PLEKHG1: variants seen among roughly 807,000 people sequenced by gnomAD.
PLEKHG1 encodes the protein pleckstrin homology and RhoGEF domain containing G1.
A neutral mutation model predicts 100.8 loss-of-function variants in PLEKHG1; 44 were observed. The ratio of observed to expected loss-of-function variants is 0.44; its 90% CI spans 0.34 to 0.56. The LOEUF is 0.56. Ranked by LOEUF, PLEKHG1 falls within the 20% of genes least tolerant of loss-of-function variation. The probability of loss-of-function intolerance (pLI) is 0.01; values close to 1 mark genes in which losing one functional copy is unlikely to be tolerated. For synonymous variants in PLEKHG1, 640 were observed against 662.5 expected (o/e 0.97, Z 0.52); for missense variants, 1,545 against 1,720.9 (o/e 0.90, Z 1.81).
At chr6:150,734,164 G>A (rs372149943) in intron 2 of PLEKHG1, 72 bp downstream of exon 3, 9 of 1,454,504 alleles carry the variant, frequency 6.2e-6, no homozygotes. Context: ...ACAAAGCCAA[G>A]CCAGGTGTAG....
At chr6:150,739,619 G>A (rs2128621349) in intron 2 of PLEKHG1, among the ~76,000 whole-genome samples, 1 of 151,770 alleles carries the variant, frequency 6.6e-6, no homozygotes, top group Middle Eastern at 3.4e-3. Context: ...AGTGAGCCGA[G>A]ATCGTGCCAT....
chr6:150,612,886 C>A (rs923832078), intron 1 of PLEKHG1, among the ~76,000 whole-genome samples: 1 of 152,190 alleles, frequency 6.6e-6, no homozygotes, highest in African/African-American at 2.4e-5. Context: ...GCAGTAGGCT[C>A]CTAACTGGTC....
chr6:150,735,737 T>C (rs143570718), intron 2 of PLEKHG1, among the ~76,000 whole-genome samples: 4 of 152,298 alleles, frequency 2.6e-5, no homozygotes, highest in African/African-American at 7.2e-5. Flanking sequence ...AAAGCTTTCT[T>C]TGGGCTATGC....
chr6:150,608,750 G>A (rs980471115), intron 1 of PLEKHG1, among the ~76,000 whole-genome samples: 3 of 152,178 alleles, frequency 2.0e-5, no homozygotes, highest in African/African-American at 7.2e-5. Flanking sequence ...GAAAAGATAA[G>A]TTTGTTTTTC....
At chr6:150,744,880 C>T (rs113697628) in intron 2 of PLEKHG1, among the ~76,000 whole-genome samples, 7 of 152,238 alleles carry the variant, frequency 4.6e-5, no homozygotes, top group South Asian at 2.1e-4. Flanking sequence ...CATTCTTCCC[C>T]GGTTGCAAGA....
rs569815433 is a variant in PLEKHG1, at chr6:150,700,910, C to T, written c.-98-32674C>T. Among the ~76,000 whole-genome samples, 12 of 150,858 alleles carry T rather than the reference C, an allele frequency of 8.0e-5. 1 individual carries two copies. The highest frequency in any genetic ancestry group is 5.9e-5 in the Non-Finnish European group (4 of 68,028). On this transcript the variant is annotated intron_variant, in intron 3 of 3. Transcript: ENST00000367326. ...TACTTCCCTCTCTCTCTAAACAATT[C>T]GGAAACTTTGAGGATGGGGGTTATA...
intron 3 of PLEKHG1, among the ~76,000 whole-genome samples, chr6:150,714,302 T>C (rs188136961): frequency 6.6e-6 from 1 of 152,342 alleles, no homozygotes; most frequent in East Asian, 1.9e-4. Flanking sequence ...CTTGACTGTA[T>C]TGTCTCTGGG....
At chr6:150,617,979 C>T (rs921491489) in intron 1 of PLEKHG1, among the ~76,000 whole-genome samples, 1 of 152,094 alleles carries the variant, frequency 6.6e-6, no homozygotes, top group Admixed American at 6.5e-5. Context: ...ACTCAGCATG[C>T]GTGTGAGTGT....
chr6:150,773,350 A>G (rs759616153), intron 3 of PLEKHG1, among the ~76,000 whole-genome samples: 1 of 152,158 alleles, frequency 6.6e-6, no homozygotes, highest in South Asian at 2.1e-4. Context: ...CCTGGCTAAT[A>G]CAGTGAAACC....
intron 1 of PLEKHG1, among the ~76,000 whole-genome samples, chr6:150,628,506 G>A (rs909329323): frequency 4.6e-5 from 5 of 109,014 alleles, no homozygotes; most frequent in Admixed American, 4.4e-4. Flanking sequence ...CATTTGTTTT[G>A]GGATGGTATG....
At chr6:150,629,639 T>A (rs967335019) in intron 1 of PLEKHG1, among the ~76,000 whole-genome samples, 5 of 152,122 alleles carry the variant, frequency 3.3e-5, no homozygotes, top group African/African-American at 1.2e-4. Flanking sequence ...TTTTGTATTT[T>A]TAGTAGAGAG....
chr6:150,837,258 C>CA (rs1404209249), intron 15 of PLEKHG1, among the ~76,000 whole-genome samples: 5 of 152,184 alleles, frequency 3.3e-5, no homozygotes, highest in Non-Finnish European at 2.9e-5. Context: ...TGTGTGCACA[C>CA]ACAGGCAACA....
intron 1 of PLEKHG1, among the ~76,000 whole-genome samples, chr6:150,627,175 T>C (rs758922222): frequency 9.2e-5 from 14 of 152,222 alleles, no homozygotes; most frequent in Non-Finnish European, 1.8e-4. Context: ...GGACAAAATA[T>C]TTATTTGAAA....
At chr6:150,841,176 G>A (rs770991048) in exon 16 of PLEKHG1, 56 of 544,992 alleles carry the variant, frequency 1.0e-4, no homozygotes, top group Admixed American at 3.2e-4. Context: ...CTTTTAACAC[G>A]ATGGCCATAA....
At chr6:150,807,062 T>C (rs975239254) in intron 7 of PLEKHG1, among the ~76,000 whole-genome samples, 28 of 152,128 alleles carry the variant, frequency 1.8e-4, no homozygotes, top group African/African-American at 6.8e-4. Context: ...TCTCAATGCT[T>C]GTGTTCAAGT....
At chr6:150,777,515 A>G (rs1366880291) in intron 3 of PLEKHG1, among the ~76,000 whole-genome samples, 1 of 148,082 alleles carries the variant, frequency 6.8e-6, no homozygotes. Flanking sequence ...ACACTGATGC[A>G]ATCCTGGTGC....
intron 14 of PLEKHG1, chr6:150,828,154 C>A: frequency 1.2e-6 from 2 of 1,613,698 alleles, no homozygotes; most frequent in South Asian, 2.2e-5. Flanking sequence ...AGGAATCTGC[C>A]CACGATATTT....
chr6:150,646,630 AG>A (rs1476492434), intron 2 of PLEKHG1, among the ~76,000 whole-genome samples: 4 of 152,196 alleles, frequency 2.6e-5, no homozygotes, highest in African/African-American at 9.6e-5. Flanking sequence ...GGTAGAAGCA[AG>A]AAAGGGGTTT....
At chr6:150,667,945 A>G (rs1400735683) in intron 3 of PLEKHG1, among the ~76,000 whole-genome samples, 2 of 152,208 alleles carry the variant, frequency 1.3e-5, no homozygotes, top group East Asian at 3.9e-4. Context: ...GTCTTTTTGT[A>G]AGATGTGTGT....
Sources: gnomAD v4.1 joint callset for allele counts (sites outside exome capture counted in the v4.1 genomes callset) on GRCh38, gnomAD v4.1.1 for gene constraint, MANE v1.5 for transcripts, NCBI Gene and HGNC (gene_info 2026-07-23, HGNC 2026-07-21) for gene names.